The following ARIH2 variants were observed in gnomAD, a reference collection of about 807,000 sequenced individuals.
ARIH2 encodes E3 ubiquitin-protein ligase ARIH2.
ARIH2 carries 12 observed loss-of-function variants against 79.8 expected under a neutral mutation model. The observed-to-expected ratio is 0.15, with a 90% CI of 0.10 to 0.24. ARIH2 has a LOEUF of 0.24. Ranked by LOEUF, ARIH2 falls within the 10% of genes least tolerant of loss-of-function variation. The probability of loss-of-function intolerance (pLI) is 1.00; values close to 1 mark genes in which losing one functional copy is unlikely to be tolerated. For missense variants in ARIH2, 301 were observed against 618.3 expected (o/e 0.49, Z 5.44); for synonymous variants, 224 against 213.9 (o/e 1.05, Z -0.41).
chr3:48,974,893 A>T, intron 10 of ARIH2, 26 bp downstream of exon 10: 1 of 1,614,208 alleles, frequency 6.2e-7, no homozygotes, highest in Non-Finnish European at 8.5e-7. Context: ...TGCAGTTTGC[A>T]TGTGTGACAT....
intron 5 of ARIH2, 36 bp from the exon 6 acceptor site, chr3:48,967,089 C>T (rs1438582117): frequency 6.2e-7 from 1 of 1,605,500 alleles, no homozygotes; most frequent in Non-Finnish European, 8.5e-7. Flanking sequence ...CTGGACCTGA[C>T]TCCTCTTTGG....
rs1158543385 is a variant in ARIH2 at position 48,922,687 on chromosome 3, AT to A, written c.-161-60del. The A allele has an allele frequency of 2.0e-5, 3 of 152,162 alleles. No individual in the cohort carries two copies. The East Asian group carries it at 5.8e-4, about 29-fold the overall frequency. 9.4% of individuals were successfully genotyped at this position (152,162 alleles called of 1,614,324 possible). On this transcript the variant is annotated intron_variant, in intron 1 of 15. Coordinates refer to ENST00000356401, the MANE Select transcript of ARIH2 (RefSeq NM_006321.4). ...AAAATACCTTTGCTTTAAAAAAAAA[AT>A]AAACTTGCAAAAGCAGTATACCAGC...
intron 7 of ARIH2, among the ~76,000 whole-genome samples, chr3:48,969,652 T>C (rs998516622): frequency 6.6e-6 from 1 of 151,882 alleles, no homozygotes; most frequent in African/African-American, 2.4e-5. Flanking sequence ...CAAACCCAGC[T>C]AATTTTTGTA....
chr3:48,952,486 G>A (rs966880111), intron 3 of ARIH2, among the ~76,000 whole-genome samples: 2 of 152,300 alleles, frequency 1.3e-5, no homozygotes, highest in South Asian at 4.1e-4. Context: ...AAGGGTGTCA[G>A]GAAGCTCATC....
At chr3:48,938,230 C>T (rs1264002887) in intron 3 of ARIH2, among the ~76,000 whole-genome samples, 1 of 152,108 alleles carries the variant, frequency 6.6e-6, no homozygotes, top group Non-Finnish European at 1.5e-5. Context: ...ACCAAATTTT[C>T]TTTTACAAAT....
Position 48,981,576 on chromosome 3 carries a change from G to C in ARIH2, c.1258-84G>C, listed in dbSNP as rs1347476256. 4.4e-6 allele frequency: 5 copies of C among 1,127,272 alleles called. No individual in the cohort carries two copies. The Admixed American group carries it at 9.3e-5, about 21-fold the overall frequency. The allele number at this position is 1,127,272 out of a possible 1,614,324, so 69.8% of individuals were successfully genotyped here. A position where few individuals can be genotyped will look rare whatever the true frequency, so the allele number is the denominator to read the frequency against. On this transcript the variant is annotated intron_variant, in intron 13 of 15. Coordinates refer to ENST00000356401, the MANE Select transcript of ARIH2 (RefSeq NM_006321.4). Reference sequence around the variant, plus strand: ...ATAGAGCTGGGCTAATTTGCATGTTGAGGGTAGGAATTGTAAGAGCCACCT... The same window carrying C: ...ATAGAGCTGGGCTAATTTGCATGTTCAGGGTAGGAATTGTAAGAGCCACCT...
intron 5 of ARIH2, among the ~76,000 whole-genome samples, chr3:48,965,699 G>A (rs564735691): frequency 1.1e-4 from 17 of 152,260 alleles, no homozygotes; most frequent in African/African-American, 3.6e-4. Flanking sequence ...GGTGGCTCAC[G>A]CCCATAATCC....
At chr3:48,953,758 G>A (rs920077793) in intron 3 of ARIH2, among the ~76,000 whole-genome samples, 11 of 151,792 alleles carry the variant, frequency 7.2e-5, no homozygotes, top group East Asian at 1.9e-4. Flanking sequence ...GCGTAGTGGC[G>A]TGATCATGGC....
At chr3:48,961,513 C>G in intron 3 of ARIH2, 99 bp from the exon 4 acceptor site, 3 of 665,432 alleles carry the variant, frequency 4.5e-6, no homozygotes, top group Non-Finnish European at 7.9e-6. Context: ...CCAGCCTGGG[C>G]TTGGCATAAT....
intron 3 of ARIH2, among the ~76,000 whole-genome samples, chr3:48,952,658 A>G (rs530445903): frequency 6.6e-6 from 1 of 152,130 alleles, no homozygotes; most frequent in South Asian, 2.1e-4. Flanking sequence ...GACGTGGAGG[A>G]AAAGGCCAAC....
At chr3:48,933,664 C>T (rs1172610370) in intron 3 of ARIH2, among the ~76,000 whole-genome samples, 1 of 151,036 alleles carries the variant, frequency 6.6e-6, no homozygotes, top group Non-Finnish European at 1.5e-5. Context: ...ATTCTCCTGC[C>T]TCAGCCTCCC....
At chr3:48,971,477 T>G (rs146409791) in intron 8 of ARIH2, among the ~76,000 whole-genome samples, 1 of 152,310 alleles carries the variant, frequency 6.6e-6, no homozygotes, top group East Asian at 1.9e-4. Flanking sequence ...ACTCCTGACC[T>G]CGTGATCTGC....
chr3:48,946,998 C>T (rs1032628578), intron 3 of ARIH2, among the ~76,000 whole-genome samples: 2 of 152,156 alleles, frequency 1.3e-5, no homozygotes, highest in African/African-American at 4.8e-5. Flanking sequence ...AAGGGGCAGG[C>T]ACAAATGTGA....
rs150227162 is a variant in ARIH2 at position 48,972,276 on chromosome 3, C to T, written c.771-1423C>T. ...CCTCAAACCCCTGGGATGAAGTGAT[C>T]CTTCTGCCTTAGCCTCCCAAGTAAC... is the stretch of plus-strand genomic sequence containing the variant. On this transcript the variant is annotated intron_variant, in intron 8 of 15. Coordinates refer to ENST00000356401, the MANE Select transcript of ARIH2 (RefSeq NM_006321.4). Among the ~76,000 whole-genome samples the T allele has an allele frequency of 3.0e-3, 453 of 152,168 alleles. 4 individuals are homozygous for T. Among genetic ancestry groups the T allele is most frequent in the African/African-American group, 0.01 (429 of 41,522 alleles).
intron 5 of ARIH2, among the ~76,000 whole-genome samples, chr3:48,966,233 A>G (rs917820345): frequency 1.3e-5 from 2 of 152,248 alleles, no homozygotes; most frequent in African/African-American, 4.8e-5. Flanking sequence ...AGATCACCAC[A>G]TAATTTCTGC....
At chr3:48,931,887 T>C (rs910156324) in intron 3 of ARIH2, among the ~76,000 whole-genome samples, 6 of 152,074 alleles carry the variant, frequency 3.9e-5, no homozygotes, top group Non-Finnish European at 8.8e-5. Flanking sequence ...TGGGCACCTG[T>C]AGTCCCAGCT....
At chr3:48,966,771 T>A (rs969328887) in intron 5 of ARIH2, among the ~76,000 whole-genome samples, 1 of 152,230 alleles carries the variant, frequency 6.6e-6, no homozygotes, top group South Asian at 2.1e-4. Flanking sequence ...AGAAACCTGA[T>A]AGCTTCTAAA....
rs1438045737 is a variant in ARIH2 at position 48,978,479 on chromosome 3, ATATAT to A, written c.962-1001_962-997del. On this transcript the variant is annotated intron_variant, in intron 11 of 15. Coordinates refer to ENST00000356401, the MANE Select transcript of ARIH2 (RefSeq NM_006321.4). Reference sequence around the variant, plus strand: ...TGTGTGTGTGTGTATATATATATATATATATTTTTTTTTTTTTTGGTAGAGACGGG... The same window carrying A: ...TGTGTGTGTGTGTATATATATATATATTTTTTTTTTTTTGGTAGAGACGGG... Among the ~76,000 whole-genome samples, 29 of 63,526 alleles carry A rather than the reference ATATAT, an allele frequency of 4.6e-4. 1 individual carries two copies. In the East Asian group the frequency reaches 0.022, roughly 47 times the overall value. 41.7% of individuals were successfully genotyped at this position (63,526 alleles called of 152,430 possible). A position where few individuals can be genotyped will look rare whatever the true frequency, so the allele number is the denominator to read the frequency against.
chr3:48,931,179 T>C (rs1476229750), intron 3 of ARIH2, among the ~76,000 whole-genome samples: 2 of 152,164 alleles, frequency 1.3e-5, no homozygotes, highest in East Asian at 1.9e-4. Context: ...CTCAAACTCC[T>C]GGGTTCCAAG....
Sources: gnomAD v4.1 joint callset for allele counts (sites outside exome capture counted in the v4.1 genomes callset) on GRCh38, gnomAD v4.1.1 for gene constraint, MANE v1.5 for transcripts, NCBI Gene and HGNC (gene_info 2026-07-23, HGNC 2026-07-21) for gene names.